Variants in UBE2E1 observed in about 807,000 individuals in gnomAD.
The protein encoded by UBE2E1 is ubiquitin-conjugating enzyme E2 E1.
A neutral mutation model predicts 21.4 loss-of-function variants in UBE2E1; 6 were observed. That is an observed-to-expected ratio of 0.28 (90% CI 0.15 to 0.55). The LOEUF (loss-of-function observed/expected upper bound fraction) is 0.55. Ranked by LOEUF, UBE2E1 falls within the 20% of genes least tolerant of loss-of-function variation. UBE2E1 has a pLI of 0.93. For missense variants in UBE2E1, 142 were observed against 236.5 expected, an observed-to-expected ratio of 0.60 and a Z score of 2.62; for synonymous variants, 87 against 82.7, an observed-to-expected ratio of 1.05 and a Z score of -0.28.
intron 3 of UBE2E1, among the ~76,000 whole-genome samples, chr3:23,824,971 G>T (rs1327559044): frequency 6.6e-6 from 1 of 152,068 alleles, no homozygotes; most frequent in Non-Finnish European, 1.5e-5. Context: ...AATTATTATG[G>T]GGCTAAACTT....
intron 3 of UBE2E1, among the ~76,000 whole-genome samples, chr3:23,831,197 A>G (rs1699858156): frequency 6.6e-6 from 1 of 152,228 alleles, no homozygotes; most frequent in Non-Finnish European, 1.5e-5. Flanking sequence ...TAACCCAGGA[A>G]CTGAAATGTT....
intron 3 of UBE2E1, among the ~76,000 whole-genome samples, chr3:23,869,444 T>TGTGTGTGTGTGTG (rs1553639716): frequency 6.7e-6 from 1 of 148,924 alleles, no homozygotes; most frequent in African/African-American, 2.5e-5. Flanking sequence ...TGTGTGTGTG[T>TGTGTGTGTGTGTG]TAACTTCAGT....
chr3:23,857,430 T>C (rs1401447460), intron 3 of UBE2E1, among the ~76,000 whole-genome samples: 2 of 152,136 alleles, frequency 1.3e-5, no homozygotes, highest in Admixed American at 6.5e-5. Flanking sequence ...AGAATTGAAG[T>C]TGAGGTAGCA....
intron 3 of UBE2E1, among the ~76,000 whole-genome samples, chr3:23,821,418 A>C (rs1009031946): frequency 6.6e-6 from 1 of 152,214 alleles, no homozygotes; most frequent in African/African-American, 2.4e-5. Flanking sequence ...GATTATGTAA[A>C]CCGTGCTAAG....
chr3:23,829,546 T>C (rs1463220738), intron 3 of UBE2E1, among the ~76,000 whole-genome samples: 1 of 152,024 alleles, frequency 6.6e-6, no homozygotes, highest in East Asian at 1.9e-4. Context: ...AAGCAGTCCT[T>C]CTGCCTCAAC....
intron 3 of UBE2E1, among the ~76,000 whole-genome samples, chr3:23,851,386 A>G (rs1188497441): frequency 6.6e-6 from 1 of 152,026 alleles, no homozygotes; most frequent in Non-Finnish European, 1.5e-5. Flanking sequence ...TTGCATTTCC[A>G]TATGAATTTT....
intron 3 of UBE2E1, among the ~76,000 whole-genome samples, chr3:23,859,143 C>T (rs2125312487): frequency 6.6e-6 from 1 of 152,304 alleles, no homozygotes; most frequent in African/African-American, 2.4e-5. Flanking sequence ...CCTGGCCAAA[C>T]AATATCTAGT....
At chr3:23,860,973 T>A (rs902603378) in intron 3 of UBE2E1, among the ~76,000 whole-genome samples, 2 of 152,230 alleles carry the variant, frequency 1.3e-5, no homozygotes, top group Non-Finnish European at 2.9e-5. Context: ...TTTATTTATT[T>A]AGTAAGTGAT....
chr3:23,869,351 C>CTTTTTTT (rs58059005), intron 3 of UBE2E1, among the ~76,000 whole-genome samples: 1 of 114,600 alleles, frequency 8.7e-6, no homozygotes, highest in Non-Finnish European at 1.6e-5. Context: ...TTATGGTATC[C>CTTTTTTT]TTTTTTTTTT....
intron 3 of UBE2E1, among the ~76,000 whole-genome samples, chr3:23,852,036 A>G (rs770827321): frequency 7.2e-5 from 11 of 152,056 alleles, no homozygotes; most frequent in Non-Finnish European, 1.5e-4. Flanking sequence ...CCACTCTCTC[A>G]TGCTCCCTTT....
chr3:23,884,304 G>GT (rs1248040329), intron 3 of UBE2E1, among the ~76,000 whole-genome samples: 2 of 152,180 alleles, frequency 1.3e-5, no homozygotes, highest in Non-Finnish European at 2.9e-5. Context: ...GTGACAAACT[G>GT]TAAAATGTTC....
chr3:23,826,808 G>A (rs905409273), intron 3 of UBE2E1, among the ~76,000 whole-genome samples: 2 of 152,306 alleles, frequency 1.3e-5, no homozygotes, highest in East Asian at 3.9e-4. Context: ...GATTGGAGTA[G>A]CAGTGTAATC....
chr3:23,820,521 C>T (rs1699623602), intron 3 of UBE2E1, among the ~76,000 whole-genome samples: 1 of 152,184 alleles, frequency 6.6e-6, no homozygotes, highest in African/African-American at 2.4e-5. Flanking sequence ...TAAGTTGTCA[C>T]TGGGTTTTGC....
intron 3 of UBE2E1, among the ~76,000 whole-genome samples, chr3:23,847,106 T>C (rs1700224300): frequency 6.6e-6 from 1 of 152,206 alleles, no homozygotes; most frequent in African/African-American, 2.4e-5. Context: ...ATAAGAAGAA[T>C]AGACTTATTT....
intron 3 of UBE2E1, among the ~76,000 whole-genome samples, chr3:23,837,725 G>A (rs141631703): frequency 6.6e-6 from 1 of 152,294 alleles, no homozygotes; most frequent in Non-Finnish European, 1.5e-5. Context: ...TAGAGGACTA[G>A]CCTACACCTG....
chr3:23,880,771 T>C (rs1347544877), intron 3 of UBE2E1, among the ~76,000 whole-genome samples: 1 of 152,194 alleles, frequency 6.6e-6, no homozygotes, highest in East Asian at 1.9e-4. Flanking sequence ...TGAATGTTAC[T>C]TTGTGGAGTT....
At chr3:23,848,456 TGAGA>T (rs1183290297) in intron 3 of UBE2E1, among the ~76,000 whole-genome samples, 3 of 146,326 alleles carry the variant, frequency 2.1e-5, no homozygotes, top group African/African-American at 7.7e-5. Flanking sequence ...CGTAGCAGAG[TGAGA>T]CTCTGTCTCA....
At chr3:23,846,552 C>T (rs1262763621) in intron 3 of UBE2E1, among the ~76,000 whole-genome samples, 3 of 152,024 alleles carry the variant, frequency 2.0e-5, no homozygotes, top group East Asian at 3.9e-4. Context: ...AAAATTTATC[C>T]GGGTATGGTG....
In UBE2E1 at chr3:23,853,418, G is replaced by GTT. The variant is rs2125308825; in HGVS notation, c.204-34147_204-34146dup. 6.6e-6 allele frequency among the ~76,000 whole-genome samples: 1 copy of GTT among 152,256 alleles called. No homozygotes were observed. Among genetic ancestry groups the GTT allele is most frequent in the African/African-American group, 2.4e-5 (1 of 41,536 alleles). ...GGCTGTGGGTTTATCATTAGTGTCT[G>GTT]TTTAAGAGCCAAGCATTTTAATTTT... is the stretch of plus-strand genomic sequence containing the variant. On this transcript the variant is annotated intron_variant, in intron 3 of 5. Transcript: ENST00000306627. The surrounding 1 kb of genome is among the most constrained non-coding windows in gnomAD (Gnocchi z 4.1).
Sources: gnomAD v4.1 joint callset for allele counts (sites outside exome capture counted in the v4.1 genomes callset) on GRCh38, gnomAD v4.1.1 for gene constraint, Gnocchi (gnomAD v3.1) non-coding constraint, MANE v1.5 for transcripts, NCBI Gene and HGNC (gene_info 2026-07-23, HGNC 2026-07-21) for gene names.